Variants in LRRC4C observed in about 807,000 individuals in gnomAD.
LRRC4C encodes leucine-rich repeat-containing protein 4C.
LRRC4C carries 5 observed loss-of-function variants against 33.6 expected under a neutral mutation model. That is an observed-to-expected ratio of 0.15 (90% CI 0.08 to 0.31). The LOEUF (loss-of-function observed/expected upper bound fraction) is 0.31. LRRC4C is among the 10% of genes least tolerant of loss of function. LRRC4C has a pLI of 1.00. For synonymous variants in LRRC4C, 329 were observed against 302.0 expected, an observed-to-expected ratio of 1.09 and a Z score of -0.93; for missense variants, 560 against 796.7, an observed-to-expected ratio of 0.70 and a Z score of 3.58.
At chr11:40,137,844 A>T (rs887369434) in intron 6 of LRRC4C, among the ~76,000 whole-genome samples, 1 of 152,184 alleles carries the variant, frequency 6.6e-6, no homozygotes, top group African/African-American at 2.4e-5. Flanking sequence ...TTTAAACTAT[A>T]AGTATTAGAT....
intron 3 of LRRC4C, among the ~76,000 whole-genome samples, chr11:40,369,291 G>A (rs1948347548): frequency 6.6e-6 from 1 of 152,170 alleles, no homozygotes; most frequent in African/African-American, 2.4e-5. Context: ...ATGTCTCAAT[G>A]TTCCTTGTCC....
chr11:40,190,054 A>G (rs1861709776), intron 5 of LRRC4C, among the ~76,000 whole-genome samples: 1 of 152,208 alleles, frequency 6.6e-6, no homozygotes, highest in Admixed American at 6.5e-5. Context: ...AAGCAAAGCC[A>G]AAGACTCACC....
intron 1 of LRRC4C, among the ~76,000 whole-genome samples, chr11:41,344,141 C>G (rs1303902608): frequency 3.9e-5 from 6 of 151,936 alleles, no homozygotes; most frequent in Admixed American, 3.9e-4. Context: ...CTTGAGAGAA[C>G]ATCCCCATTC....
intron 3 of LRRC4C, among the ~76,000 whole-genome samples, chr11:40,592,984 T>G (rs1384540222): frequency 2.0e-5 from 3 of 152,182 alleles, no homozygotes; most frequent in Non-Finnish European, 4.4e-5. Flanking sequence ...GCAGAAACTC[T>G]GACTCCAGTG....
chr11:40,566,129 TC>T (rs1158737888), intron 3 of LRRC4C, among the ~76,000 whole-genome samples: 1 of 150,552 alleles, frequency 6.6e-6, no homozygotes, highest in African/African-American at 2.4e-5. Flanking sequence ...ACTTTTTTTT[TC>T]CTCTAAATAT....
At chr11:40,209,904 A>T (rs1290558626) in intron 5 of LRRC4C, among the ~76,000 whole-genome samples, 2 of 152,176 alleles carry the variant, frequency 1.3e-5, no homozygotes, top group African/African-American at 2.4e-5. Flanking sequence ...TTCAAAGGAG[A>T]TGCCTTGAAG....
At chr11:41,442,637 T>G (rs1955671489) in intron 1 of LRRC4C, among the ~76,000 whole-genome samples, 1 of 151,600 alleles carries the variant, frequency 6.6e-6, no homozygotes, top group South Asian at 2.1e-4. Flanking sequence ...GCCCAGCTAA[T>G]TTTTTGTATT....
At chr11:40,597,237 A>G (rs1275626892) in intron 3 of LRRC4C, among the ~76,000 whole-genome samples, 3 of 152,104 alleles carry the variant, frequency 2.0e-5, no homozygotes, top group African/African-American at 2.4e-5. Context: ...CTCATTGACT[A>G]TCATCAATTA....
rs1565274594 is a variant in LRRC4C, at chr11:40,987,663, TGAGATATAA to T, written c.-495-53949_-495-53941del. ...TATATATATATATATCTCATATATA[TGAGATATAA>T]ATGATATATATATATATATCTCATA... On this transcript the variant is annotated intron_variant, in intron 1 of 6. Transcript: ENST00000528697. 4.9e-3 allele frequency among the ~76,000 whole-genome samples: 380 copies of T among 78,184 alleles called. 24 individuals are homozygous for T. The highest frequency in any genetic ancestry group is 0.012 in the African/African-American group (207 of 16,960). The allele number at this position is 78,184 out of a possible 152,430, so 51.3% of individuals were successfully genotyped here. A position where few individuals can be genotyped will look rare whatever the true frequency, so the allele number is the denominator to read the frequency against.
chr11:40,960,476 A>G (rs1368089978), intron 1 of LRRC4C, among the ~76,000 whole-genome samples: 2 of 151,762 alleles, frequency 1.3e-5, no homozygotes, highest in African/African-American at 2.4e-5. Context: ...AACTCTATTC[A>G]AACAATTCTG....
At chr11:40,541,558 G>T (rs1344908686) in intron 3 of LRRC4C, among the ~76,000 whole-genome samples, 2 of 152,202 alleles carry the variant, frequency 1.3e-5, no homozygotes, top group East Asian at 1.9e-4. Context: ...GACTGGGTGG[G>T]AACAGTCCTT....
chr11:40,234,768 C>T (rs779175735), intron 5 of LRRC4C, among the ~76,000 whole-genome samples: 7 of 152,184 alleles, frequency 4.6e-5, no homozygotes, highest in Non-Finnish European at 1.0e-4. Context: ...GAAACCCTGT[C>T]TTAAAACAAA....
chr11:41,065,178 C>A (rs1236575200), intron 1 of LRRC4C, among the ~76,000 whole-genome samples: 3 of 151,954 alleles, frequency 2.0e-5, no homozygotes, highest in Admixed American at 6.6e-5. Context: ...ACTGTCAGCG[C>A]AGCAGTCTGG....
chr11:41,178,341 T>C (rs1306468367), intron 1 of LRRC4C, among the ~76,000 whole-genome samples: 1 of 152,190 alleles, frequency 6.6e-6, no homozygotes, highest in Non-Finnish European at 1.5e-5. Context: ...ATGGGATTTA[T>C]GCCACACTTT....
chr11:41,299,230 T>G (rs1950221726), intron 1 of LRRC4C, among the ~76,000 whole-genome samples: 1 of 152,138 alleles, frequency 6.6e-6, no homozygotes, highest in Non-Finnish European at 1.5e-5. Flanking sequence ...ATTATTTTTA[T>G]TCTCTCAGAA....
intron 5 of LRRC4C, among the ~76,000 whole-genome samples, chr11:40,233,509 C>G (rs976115465): frequency 6.6e-6 from 1 of 152,030 alleles, no homozygotes; most frequent in African/African-American, 2.4e-5. Flanking sequence ...AGATAGAGAT[C>G]CTAGACGCAG....
intron 3 of LRRC4C, among the ~76,000 whole-genome samples, chr11:40,640,771 T>G (rs1345497996): frequency 6.6e-6 from 1 of 152,076 alleles, no homozygotes; most frequent in Non-Finnish European, 1.5e-5. Flanking sequence ...TCCCAGCACT[T>G]TGGAAGGCCA....
chr11:40,744,111 A>C (rs974187287), intron 2 of LRRC4C, among the ~76,000 whole-genome samples: 1 of 152,080 alleles, frequency 6.6e-6, no homozygotes, highest in African/African-American at 2.4e-5. Context: ...GTTTCTGTAC[A>C]CTAGGGATAT....
chr11:40,497,718 T>C (rs1954539156), intron 3 of LRRC4C, among the ~76,000 whole-genome samples: 1 of 152,176 alleles, frequency 6.6e-6, no homozygotes, highest in South Asian at 2.1e-4. Flanking sequence ...TATTTTGTGC[T>C]CTTAACACCT....
Sources: allele counts gnomAD v4.1 joint callset (sites outside exome capture counted in the v4.1 genomes callset), GRCh38; gene constraint gnomAD v4.1.1; transcripts MANE v1.5; gene names NCBI Gene and HGNC (gene_info 2026-07-23, HGNC 2026-07-21).